The following QTMAN variants were observed in gnomAD, a reference collection of about 807,000 sequenced individuals.
The protein encoded by QTMAN is tRNA-queuosine alpha-mannosyltransferase.
At chr2:144,051,483 A>AT in the QTMAN span, among the ~76,000 whole-genome samples, 3 of 152,156 alleles carry the variant, frequency 2.0e-5, no homozygotes, top group African/African-American at 7.2e-5. Flanking sequence ...TCATGCTACT[A>AT]AACTCCAGCC....
the QTMAN span, chr2:144,295,448 C>G: frequency 6.6e-6 from 1 of 152,182 alleles, no homozygotes; most frequent in East Asian, 1.9e-4. Context: ...TGAACGCCAA[C>G]ACTCCCTATG....
At chr2:144,161,334 T>C in the QTMAN span, among the ~76,000 whole-genome samples, 1 of 152,190 alleles carries the variant, frequency 6.6e-6, no homozygotes, top group Admixed American at 6.6e-5. Flanking sequence ...CAGTACCCTG[T>C]TGCAGAACCT....
chr2:144,287,924 G>T, the QTMAN span, among the ~76,000 whole-genome samples: 71 of 151,884 alleles, frequency 4.7e-4, no homozygotes, highest in African/African-American at 1.5e-3. Flanking sequence ...GTGCGATCTC[G>T]GCTCACTGCA....
At chr2:144,050,899 T>C in the QTMAN span, among the ~76,000 whole-genome samples, 1 of 152,122 alleles carries the variant, frequency 6.6e-6, no homozygotes, top group East Asian at 1.9e-4. Context: ...ACTTTTTTAA[T>C]GGAATATTTT....
chr2:144,243,602 C>T, the QTMAN span, among the ~76,000 whole-genome samples: 1 of 152,164 alleles, frequency 6.6e-6, no homozygotes, highest in Non-Finnish European at 1.5e-5. Flanking sequence ...TGAAAGGTCA[C>T]TTGGTAAAAT....
chr2:144,182,314 G>A, the QTMAN span, among the ~76,000 whole-genome samples: 2 of 152,122 alleles, frequency 1.3e-5, no homozygotes, highest in Admixed American at 1.3e-4. Context: ...TTCCTCAGTA[G>A]GTATGTGTGA....
chr2:144,260,184 TATTTA>T, the QTMAN span, among the ~76,000 whole-genome samples: 20 of 152,210 alleles, frequency 1.3e-4, no homozygotes, highest in African/African-American at 4.6e-4. Flanking sequence ...AAAAATCACT[TATTTA>T]ATTACTGTAA....
At chr2:144,177,299 T>C in the QTMAN span, 1 of 631,076 alleles carries the variant, frequency 1.6e-6, no homozygotes, top group Non-Finnish European at 2.8e-6. Context: ...CTAGACAAAC[T>C]GATTCTAATT....
At chr2:144,144,395 C>T in the QTMAN span, among the ~76,000 whole-genome samples, 1 of 151,610 alleles carries the variant, frequency 6.6e-6, no homozygotes, top group Non-Finnish European at 1.5e-5. Context: ...AGTTTTTTTC[C>T]CAATGATTTC....
At chr2:144,097,263 A>G in the QTMAN span, among the ~76,000 whole-genome samples, 1 of 152,194 alleles carries the variant, frequency 6.6e-6, no homozygotes, top group Non-Finnish European at 1.5e-5. Flanking sequence ...CAAATTACTT[A>G]CTACTTAAAG....
At chr2:144,000,404 A>G in the QTMAN span, among the ~76,000 whole-genome samples, 1 of 152,058 alleles carries the variant, frequency 6.6e-6, no homozygotes, top group Admixed American at 6.6e-5. Context: ...AAATTTCCCC[A>G]AACACTCTAG....
chr2:144,307,495 GT>G, the QTMAN span, among the ~76,000 whole-genome samples: 4 of 152,300 alleles, frequency 2.6e-5, no homozygotes, highest in East Asian at 7.7e-4. Context: ...CTTTAACACT[GT>G]CCTCATCTGT....
the QTMAN span, among the ~76,000 whole-genome samples, chr2:144,187,508 C>T: frequency 6.6e-6 from 1 of 152,180 alleles, no homozygotes; most frequent in Non-Finnish European, 1.5e-5. Flanking sequence ...TTCCACGCTA[C>T]CACATTGGGG....
the QTMAN span, among the ~76,000 whole-genome samples, chr2:144,179,727 T>A: frequency 6.6e-6 from 1 of 152,118 alleles, no homozygotes; most frequent in African/African-American, 2.4e-5. Context: ...TATAGTTAGG[T>A]CACAGCTACT....
the QTMAN span, among the ~76,000 whole-genome samples, chr2:144,055,854 T>A: frequency 6.6e-6 from 1 of 152,202 alleles, no homozygotes; most frequent in Non-Finnish European, 1.5e-5. Flanking sequence ...TAGAAACAAA[T>A]GAAGTTCATC....
At chr2:144,111,127 T>TG in the QTMAN span, among the ~76,000 whole-genome samples, 1 of 152,182 alleles carries the variant, frequency 6.6e-6, no homozygotes, top group Non-Finnish European at 1.5e-5. Context: ...CTCTATGGCC[T>TG]GGCTCATCTA....
At chr2:144,194,624 C>T in the QTMAN span, among the ~76,000 whole-genome samples, 12 of 151,998 alleles carry the variant, frequency 7.9e-5, no homozygotes, top group Non-Finnish European at 1.2e-4. Context: ...ATACATTAGT[C>T]GGTAAGACAA....
chr2:144,030,172 T>A, the QTMAN span, among the ~76,000 whole-genome samples: 1 of 152,184 alleles, frequency 6.6e-6, no homozygotes, highest in African/African-American at 2.4e-5. Flanking sequence ...GTGAAAGTAT[T>A]AATCTTACCA....
the QTMAN span, among the ~76,000 whole-genome samples, chr2:144,229,048 T>C: frequency 5.9e-5 from 9 of 152,306 alleles, no homozygotes; most frequent in East Asian, 1.7e-3. Context: ...ATGGTTCTGT[T>C]TTAGAAAACT....
Sources: gnomAD v4.1 joint callset for allele counts (sites outside exome capture counted in the v4.1 genomes callset) on GRCh38, gnomAD v4.1.1 for gene constraint, MANE v1.5 for transcripts, NCBI Gene and HGNC (gene_info 2026-07-23, HGNC 2026-07-21) for gene names.